SEMA3C: variants seen among roughly 807,000 people sequenced by gnomAD.
The protein encoded by SEMA3C is semaphorin-3C.
Under a neutral mutation model 89.4 loss-of-function variants are expected in SEMA3C, and 47 were observed. That is an observed-to-expected ratio of 0.53 (90% CI 0.42 to 0.67). The LOEUF is 0.67. SEMA3C is among the 30% of genes least tolerant of loss of function. The probability of loss-of-function intolerance (pLI) is 0.00; values close to 1 mark genes in which losing one functional copy is unlikely to be tolerated. For synonymous variants in SEMA3C, 310 were observed against 320.2 expected, an observed-to-expected ratio of 0.97 and a Z score of 0.34; for missense variants, 839 against 929.1, an observed-to-expected ratio of 0.90 and a Z score of 1.26.
intron 12 of SEMA3C, among the ~76,000 whole-genome samples, chr7:80,773,970 A>AAAACCCTGACAT (rs1296979640): frequency 6.6e-6 from 1 of 152,220 alleles, no homozygotes; most frequent in African/African-American, 2.4e-5. Flanking sequence ...CACCTTGTTA[A>AAAACCCTGACAT]AAACCCTGAC....
chr7:80,897,246 T>C (rs973629072), intron 2 of SEMA3C, among the ~76,000 whole-genome samples: 1 of 152,222 alleles, frequency 6.6e-6, no homozygotes, highest in East Asian at 1.9e-4. Flanking sequence ...ACATTGTATT[T>C]GGGAATTCCC....
At chr7:80,762,909 T>C (rs1788218044) in intron 13 of SEMA3C, among the ~76,000 whole-genome samples, 1 of 152,334 alleles carries the variant, frequency 6.6e-6, no homozygotes, top group South Asian at 2.1e-4. Context: ...CAAAATCAAA[T>C]GTACCCCCGT....
chr7:80,912,748 CCA>C (rs1792181550), intron 2 of SEMA3C, among the ~76,000 whole-genome samples: 1 of 152,098 alleles, frequency 6.6e-6, no homozygotes, highest in African/African-American at 2.4e-5. Context: ...TTCAATACAC[CCA>C]GAGTAAGCAT....
intron 5 of SEMA3C, 117 bp downstream of exon 5, chr7:80,818,182 A>T: frequency 1.0e-6 from 1 of 970,718 alleles, no homozygotes; most frequent in Non-Finnish European, 1.5e-6. Context: ...GTTTGTATTT[A>T]AAGGGCATGA....
Position 80,789,374 on chromosome 7 carries a change from T to C in SEMA3C, c.1286A>G (p.Tyr429Cys), listed in dbSNP as rs759536433. The part of the protein sequence containing the change: ...LIVRIGTDYK[Y>C]TKIAVDRVNA... ...CACTCGATCCACAGCTATCTTTGTA[T>C]ACTTGTAGTCAGTGCCAATACGAAC... The change falls in exon 12 of 18, where the codon TAT becomes TGT. Residue 429 changes from tyrosine to cysteine, a missense_variant. By Grantham distance (194) the Tyr-to-Cys change is radical. Coordinates refer to ENST00000265361, the MANE Select transcript of SEMA3C (RefSeq NM_006379.5). The C allele has an allele frequency of 1.9e-6, 3 of 1,614,108 alleles. No homozygotes were observed. Among genetic ancestry groups the C allele is most frequent in the Middle Eastern group, 1.7e-4 (1 of 6,060 alleles).
At position 80,800,812 on chromosome 7, in the gene SEMA3C, G is replaced by T; in HGVS notation, c.931C>A (p.Leu311Met). Residue 311 changes from leucine to methionine, a missense_variant, in exon 10 of 18, where the codon CTG becomes ATG. By Grantham distance (15) the Leu-to-Met change is conservative. Transcript: ENST00000265361. ...GTTGTCCTCGGGTTATCAGTTTCCA[G>T]CAGAAACACATCCTCTATAAAAAGG... ...HFDELEDVFLLETDNPRTTLV... is the reference protein window; with the variant it reads ...HFDELEDVFLMETDNPRTTLV... 6.6e-7 allele frequency: 1 copy of T among 1,513,772 alleles called. No homozygotes were observed. Among genetic ancestry groups the T allele is most frequent in the Non-Finnish European group, 8.8e-7 (1 of 1,137,090 alleles). The allele number at this position is 1,513,772 out of a possible 1,614,324, so 93.8% of individuals were successfully genotyped here.
At position 80,755,458 on chromosome 7, in the gene SEMA3C, G is replaced by A. The variant is rs867156750; in HGVS notation, c.1643+2873C>T. On this transcript the variant is annotated intron_variant, in intron 15 of 17. Coordinates refer to ENST00000265361, the MANE Select transcript of SEMA3C (RefSeq NM_006379.5). ...ATTTGTTATACAAAAATGCTTGTTGGTCAAAACAAGTCTTTGCTGAGAAGG... is the reference window on the plus strand; with the variant it reads ...ATTTGTTATACAAAAATGCTTGTTGATCAAAACAAGTCTTTGCTGAGAAGG... Among the ~76,000 whole-genome samples the A allele has an allele frequency of 2.7e-4, 41 of 150,572 alleles. No homozygotes were observed. In the Middle Eastern group the frequency reaches 0.01, roughly 37 times the overall value.
chr7:80,769,085 T>C (rs1296683415), intron 12 of SEMA3C, among the ~76,000 whole-genome samples: 3 of 152,238 alleles, frequency 2.0e-5, no homozygotes, highest in African/African-American at 7.2e-5. Flanking sequence ...ATTATGGATA[T>C]ATAATAGTTG....
intron 2 of SEMA3C, among the ~76,000 whole-genome samples, chr7:80,867,719 TAC>T (rs10641992): frequency 4.3e-4 from 65 of 149,678 alleles, no homozygotes; most frequent in Admixed American, 7.4e-4. Flanking sequence ...GTATAAATCA[TAC>T]ACACACACAC....
At chr7:80,886,529 T>C (rs1485459120) in intron 2 of SEMA3C, among the ~76,000 whole-genome samples, 3 of 152,072 alleles carry the variant, frequency 2.0e-5, no homozygotes, top group African/African-American at 7.2e-5. Context: ...AATTTTTGTA[T>C]TTTTAGTACA....
At chr7:80,764,840 G>A (rs915512212) in intron 13 of SEMA3C, among the ~76,000 whole-genome samples, 1 of 152,100 alleles carries the variant, frequency 6.6e-6, no homozygotes, top group African/African-American at 2.4e-5. Context: ...CCCTTTCATG[G>A]CAAAATCTTC....
At chr7:80,907,636 A>G (rs1343465468) in intron 2 of SEMA3C, among the ~76,000 whole-genome samples, 1 of 152,072 alleles carries the variant, frequency 6.6e-6, no homozygotes, top group African/African-American at 2.4e-5. Context: ...TGAGACTCCA[A>G]TCTCTTCCTA....
In SEMA3C at chr7:80,814,063, T is replaced by C. The variant is rs530601924; in HGVS notation, c.448-3362A>G. 1.6e-3 allele frequency among the ~76,000 whole-genome samples: 243 copies of C among 151,700 alleles called. 1 individual carries two copies. The highest frequency in any genetic ancestry group is 5.7e-3 in the African/African-American group (238 of 41,410). On this transcript the variant is annotated intron_variant, in intron 5 of 17. Transcript: ENST00000265361. The stretch of plus-strand genomic sequence containing the variant: ...ATAGTCTTTTTTTCCCCACCCCTCT[T>C]TCTCTGTTCCTTTTTTTTTTCTTTT...
intron 17 of SEMA3C, among the ~76,000 whole-genome samples, chr7:80,746,087 C>A (rs914086384): frequency 6.6e-6 from 1 of 151,980 alleles, no homozygotes; most frequent in Admixed American, 6.6e-5. Flanking sequence ...AGATAAAAAC[C>A]TAAGTGGTAA....
intron 12 of SEMA3C, among the ~76,000 whole-genome samples, chr7:80,775,476 A>C (rs1034509823): frequency 6.6e-6 from 1 of 152,148 alleles, no homozygotes; most frequent in Non-Finnish European, 1.5e-5. Context: ...AGTATTAAAA[A>C]ATCAGTATTT....
chr7:80,844,676 G>C (rs905914047), intron 2 of SEMA3C, among the ~76,000 whole-genome samples: 1 of 152,106 alleles, frequency 6.6e-6, no homozygotes, highest in African/African-American at 2.4e-5. Flanking sequence ...CCTCAGAGAG[G>C]TCAGATCTAT....
At chr7:80,779,623 A>G (rs1788647364) in intron 12 of SEMA3C, among the ~76,000 whole-genome samples, 1 of 152,162 alleles carries the variant, frequency 6.6e-6, no homozygotes, top group Non-Finnish European at 1.5e-5. Context: ...CCTCTACATC[A>G]TCGTGAAAAT....
chr7:80,865,902 T>C lies in SEMA3C; in HGVS notation c.104-37157A>G, dbSNP rs145128301. Among the ~76,000 whole-genome samples, 4 of 152,380 alleles carry C rather than the reference T, an allele frequency of 2.6e-5. No individual in the cohort carries two copies. In the East Asian group the frequency reaches 7.7e-4, roughly 29 times the overall value. ...GAATATTTTGTTTATATTTATTTTG[T>C]GGCATTTGATCTTTCAGAAGATAAT... On this transcript the variant is annotated intron_variant, in intron 2 of 17. Coordinates refer to ENST00000265361, the MANE Select transcript of SEMA3C (RefSeq NM_006379.5).
intron 2 of SEMA3C, among the ~76,000 whole-genome samples, chr7:80,902,079 A>G (rs943665836): frequency 1.2e-4 from 19 of 152,162 alleles, no homozygotes; most frequent in Middle Eastern, 3.2e-3. Flanking sequence ...CAGCTTCCTG[A>G]GTAGTTGGGA....
Sources: gnomAD v4.1 joint callset for allele counts (sites outside exome capture counted in the v4.1 genomes callset) on GRCh38, gnomAD v4.1.1 for gene constraint, MANE v1.5 for transcripts, NCBI Gene and HGNC (gene_info 2026-07-23, HGNC 2026-07-21) for gene names.